The following NR2F6 variants were observed in gnomAD, a reference collection of about 807,000 sequenced individuals.
The protein encoded by NR2F6 is ERBA-related gene-2.
A neutral mutation model predicts 26.5 loss-of-function variants in NR2F6; 16 were observed. The observed-to-expected ratio is 0.60, with a 90% CI of 0.41 to 0.92. The LOEUF (loss-of-function observed/expected upper bound fraction) is 0.92. NR2F6 is among the 40% of genes least tolerant of loss of function. NR2F6 has a pLI of 0.00. For missense variants in NR2F6, 536 were observed against 631.7 expected, an observed-to-expected ratio of 0.85 and a Z score of 1.62; for synonymous variants, 325 against 305.0, an observed-to-expected ratio of 1.07 and a Z score of -0.68.
At chr19:17,237,475 A>C (rs2073445824) in intron 2 of NR2F6, among the ~76,000 whole-genome samples, 1 of 151,302 alleles carries the variant, frequency 6.6e-6, no homozygotes, top group South Asian at 2.1e-4. Context: ...GCAGTGGCAC[A>C]ATCTCAGCTC....
Position 17,245,122 on chromosome 19 carries a change from G to A in NR2F6, c.99C>T (p.Ala33=), listed in dbSNP as rs777356638. The stretch of plus-strand genomic sequence containing the variant: ...CGTCGCTGGCGGCACCGGGGGGCGA[G>A]GCCGAGTCGTCCTCGGCCGCGCGCG... ...GYPRAAEDDS[A]SPPGAASDAE... is the part of the protein sequence containing the mutation. The change falls in exon 1 of 4, where the codon GCC becomes GCT. Residue 33 remains alanine, a synonymous_variant. Coordinates refer to ENST00000291442, the MANE Select transcript of NR2F6 (RefSeq NM_005234.4). This position sits in a 1 kb window ranked among gnomAD's most constrained non-coding sequence, Gnocchi z 5.0. 18 of 1,529,516 alleles carry A rather than the reference G, an allele frequency of 1.2e-5. No individual in the cohort carries two copies. The highest frequency in any genetic ancestry group is 1.4e-5 in the African/African-American group (1 of 69,976). The allele number at this position is 1,529,516 out of a possible 1,614,324, so 94.7% of individuals were successfully genotyped here.
intron 2 of NR2F6, among the ~76,000 whole-genome samples, chr19:17,240,278 G>A (rs559111702): frequency 1.1e-4 from 17 of 152,286 alleles, no homozygotes; most frequent in African/African-American, 3.9e-4. Context: ...CGGTGGCCGC[G>A]CTAGCAGACA....
intron 1 of NR2F6, 73 bp from the exon 2 acceptor site, chr19:17,240,838 T>C: frequency 6.9e-7 from 1 of 1,453,298 alleles, no homozygotes; most frequent in Non-Finnish European, 9.5e-7. Flanking sequence ...ATGAGCCGCC[T>C]TTGGAGGCTG....
chr19:17,244,807 G>T, intron 1 of NR2F6, 136 bp downstream of exon 1: 1 of 989,880 alleles, frequency 1.0e-6, no homozygotes, highest in Non-Finnish European at 1.5e-6. Flanking sequence ...GGAGGAGGGT[G>T]CTGTGCCCCT....
chr19:17,240,280 T>C (rs1223829286), intron 2 of NR2F6, among the ~76,000 whole-genome samples: 1 of 152,140 alleles, frequency 6.6e-6, no homozygotes, highest in Admixed American at 6.5e-5. Context: ...GTGGCCGCGC[T>C]AGCAGACAAG....
intron 2 of NR2F6, 88 bp downstream of exon 2, chr19:17,240,579 AAGGG>A: frequency 1.7e-6 from 2 of 1,204,976 alleles, no homozygotes; most frequent in Non-Finnish European, 2.4e-6. Context: ...GGAGGGGTGA[AAGGG>A]AGGGGAAAAA....
chr19:17,233,311 CAAACAAAACAAAACA>C (rs143909942), intron 3 of NR2F6, among the ~76,000 whole-genome samples: 156 of 145,190 alleles, frequency 1.1e-3, no homozygotes, highest in African/African-American at 2.6e-3. Flanking sequence ...GACCCTGTCT[CAAACAAAACAAAACA>C]AAACAAAACA....
chr19:17,240,437 G>A (rs1008594907), intron 2 of NR2F6, among the ~76,000 whole-genome samples: 1 of 152,178 alleles, frequency 6.6e-6, no homozygotes, highest in Non-Finnish European at 1.5e-5. Context: ...GCAGCAACCA[G>A]GGGGCCACGG....
chr19:17,239,619 A>C (rs1345517512), intron 2 of NR2F6, among the ~76,000 whole-genome samples: 8 of 150,680 alleles, frequency 5.3e-5, no homozygotes, highest in African/African-American at 1.2e-4. Flanking sequence ...ATGCCACTGC[A>C]CTCCAGCCTG....
At position 17,232,483 on chromosome 19, in the gene NR2F6, C is replaced by T. The variant is rs139615269; in HGVS notation, c.1084G>A (p.Ala362Thr). The T allele has an allele frequency of 4.5e-5, 72 of 1,612,356 alleles. 1 individual carries two copies. The South Asian group carries it at 5.3e-4, about 12-fold the overall frequency. The change falls in exon 4 of 4, where the codon GCG becomes ACG. Residue 362 changes from alanine to threonine, a missense_variant. Coordinates refer to ENST00000291442, the MANE Select transcript of NR2F6 (RefSeq NM_005234.4). ...TGGGAGATGAGGGAGGCAGGGACCGCGCGCAGGGCGGGGAGCCGCAGCAGC... is the reference window on the plus strand; with the variant it reads ...TGGGAGATGAGGGAGGCAGGGACCGTGCGCAGGGCGGGGAGCCGCAGCAGC... Reference protein sequence around the residue: ...RLLLRLPALRAVPASLISQLF... With the variant: ...RLLLRLPALRTVPASLISQLF...
At chr19:17,239,369 T>C (rs920683390) in intron 2 of NR2F6, among the ~76,000 whole-genome samples, 11 of 135,328 alleles carry the variant, frequency 8.1e-5, no homozygotes, top group African/African-American at 3.1e-4. Flanking sequence ...AAAAATTAGG[T>C]GGGCGTGCCG....
At position 17,240,783 on chromosome 19, in the gene NR2F6, C is replaced by A; in HGVS notation, c.279-18G>T. On this transcript the variant is annotated intron_variant, in intron 1 of 3. Transcript: ENST00000291442. ...GGTTGGACCTGGGGGCACACAGAAG[C>A]CAGGGCTCCCTGAGACCCCCATATC... 1 of 1,612,008 alleles carries A rather than the reference C, an allele frequency of 6.2e-7. No individual in the cohort carries two copies. Among genetic ancestry groups the A allele is most frequent in the Non-Finnish European group, 8.5e-7 (1 of 1,178,826 alleles).
In NR2F6 at chr19:17,232,491, G is replaced by A. The variant is rs1213176191; in HGVS notation, c.1076C>T (p.Ala359Val). Residue 359 changes from alanine to valine, a missense_variant, in exon 4 of 4, where the codon GCC (alanine) becomes GTC (valine). Transcript: ENST00000291442. The stretch of plus-strand genomic sequence containing the variant: ...GAGGGAGGCAGGGACCGCGCGCAGG[G>A]CGGGGAGCCGCAGCAGCAGGCGCCC... The part of the protein sequence containing the change: ...RFGRLLLRLP[A>V]LRAVPASLIS... The A allele has an allele frequency of 6.2e-7, 1 of 1,611,726 alleles. No individual in the cohort carries two copies. The highest frequency in any genetic ancestry group is 1.7e-5 in the Admixed American group (1 of 59,822).
At chr19:17,236,805 G>A (rs1162234205) in intron 2 of NR2F6, among the ~76,000 whole-genome samples, 2 of 150,962 alleles carry the variant, frequency 1.3e-5, no homozygotes, top group Non-Finnish European at 2.9e-5. Flanking sequence ...TCCCAGGGGG[G>A]CTGCCATAGG....
chr19:17,232,156 G>A lies in NR2F6; in HGVS notation c.*196C>T. Reference sequence around the variant, plus strand: ...CCTGGGGAGGATGAGGCTGAGGCCTGGATGATCAGTCTCTTTTTGGTTTCA... The same window carrying A: ...CCTGGGGAGGATGAGGCTGAGGCCTAGATGATCAGTCTCTTTTTGGTTTCA... On this transcript the variant is annotated 3_prime_UTR_variant, in exon 4 of 4. Transcript: ENST00000291442. The A allele has an allele frequency of 1.3e-6, 1 of 783,048 alleles. No individual in the cohort carries two copies. The allele number at this position is 783,048 out of a possible 1,614,324, so 48.5% of individuals were successfully genotyped here.
At position 17,235,985 on chromosome 19, in the gene NR2F6, C is replaced by A; in HGVS notation, c.454G>T (p.Ala152Ser). 1 of 1,451,704 alleles carries A rather than the reference C, an allele frequency of 6.9e-7. No individual in the cohort carries two copies. The highest frequency in any genetic ancestry group is 1.3e-5 in the South Asian group (1 of 74,572). The allele number at this position is 1,451,704 out of a possible 1,614,324, so 89.9% of individuals were successfully genotyped here. A position where few individuals can be genotyped will look rare whatever the true frequency, so the allele number is the denominator to read the frequency against. The part of the protein sequence containing the change: ...SSGSPPGSAL[A>S]AVASGGDLFP... ...AGGTCTCCGCCGCTCGCCACTGCCG[C>A]CAGCGCCGAGCCCGGGGGGCTGCCC... The change falls in exon 3 of 4, where the codon GCG (alanine) becomes TCG (serine). Residue 152 changes from alanine to serine, a missense_variant. Transcript: ENST00000291442. The surrounding 1 kb of genome is among the most constrained non-coding windows in gnomAD (Gnocchi z 5.0).
chr19:17,231,952 C>T lies in NR2F6; in HGVS notation c.*400G>A, dbSNP rs556081434. ...GTAGTGTCTGACATAGGTTACGTGT[C>T]CAGAGGATCTGCCTGGCACACGCTA... On this transcript the variant is annotated 3_prime_UTR_variant, in exon 4 of 4. Coordinates refer to ENST00000291442, the MANE Select transcript of NR2F6 (RefSeq NM_005234.4). The T allele has an allele frequency of 7.5e-5, 17 of 226,756 alleles. No individual in the cohort carries two copies. Among genetic ancestry groups the T allele is most frequent in the Non-Finnish European group, 9.7e-5 (11 of 113,860 alleles). The allele number at this position is 226,756 out of a possible 1,614,324, so 14.0% of individuals were successfully genotyped here. A position where few individuals can be genotyped will look rare whatever the true frequency, so the allele number is the denominator to read the frequency against.
In NR2F6 at chr19:17,232,639, AG is replaced by A; in HGVS notation, c.941-14del. The A allele has an allele frequency of 6.6e-7, 1 of 1,520,168 alleles. No homozygotes were observed. The highest frequency in any genetic ancestry group is 8.8e-7 in the Non-Finnish European group (1 of 1,139,632). The allele number at this position is 1,520,168 out of a possible 1,614,324, so 94.2% of individuals were successfully genotyped here. A position where few individuals can be genotyped will look rare whatever the true frequency, so the allele number is the denominator to read the frequency against. On this transcript the variant is annotated splice_polypyrimidine_tract_variant and intron_variant, in intron 3 of 3. Transcript: ENST00000291442. The stretch of plus-strand genomic sequence containing the variant: ...AGGCCACAGGCGTCTAGGGGGACAA[AG>A]GCAAGTCAGACAGGTGGGAGGCAGC...
intron 3 of NR2F6, 110 bp from the exon 4 acceptor site, chr19:17,232,736 G>A (rs2073415025): frequency 7.7e-7 from 1 of 1,298,402 alleles, no homozygotes; most frequent in Non-Finnish European, 1.0e-6. Context: ...CAGGGGGCCG[G>A]GCATGATGGC....
Sources: gnomAD v4.1 joint callset for allele counts (sites outside exome capture counted in the v4.1 genomes callset) on GRCh38, gnomAD v4.1.1 for gene constraint, Gnocchi (gnomAD v3.1) non-coding constraint, MANE v1.5 for transcripts, NCBI Gene and HGNC (gene_info 2026-07-23, HGNC 2026-07-21) for gene names.